The following SLC35F1 variants were observed in gnomAD, a reference collection of about 807,000 sequenced individuals.
SLC35F1 encodes solute carrier family 35 member F1.
A neutral mutation model predicts 48.7 loss-of-function variants in SLC35F1; 14 were observed. The observed-to-expected ratio is 0.29, with a 90% confidence interval of 0.19 to 0.45. The LOEUF is 0.45. Among genes scored for constraint, SLC35F1 ranks in the 20% least tolerant of loss-of-function variants. The pLI is 1.00. For synonymous variants in SLC35F1, 190 were observed against 202.2 expected, an observed-to-expected ratio of 0.94 and a Z score of 0.51; for missense variants, 404 against 500.0, an observed-to-expected ratio of 0.81 and a Z score of 1.83.
chr6:118,258,789 C>T lies in SLC35F1; in HGVS notation c.478-8206C>T, dbSNP rs17079927. On this transcript the variant is annotated intron_variant, in intron 3 of 7. Coordinates refer to ENST00000360388, the MANE Select transcript of SLC35F1 (RefSeq NM_001029858.4). ...TATTGCAGAGCAACAAGAAAGGGAC[C>T]GATTATTCAACAGATGCAGTGAGAA... is the stretch of plus-strand genomic sequence containing the variant. 1.0e-2 allele frequency among the ~76,000 whole-genome samples: 1,514 copies of T among 151,584 alleles called. 26 individuals carry two copies. Among genetic ancestry groups the T allele is most frequent in the African/African-American group, 0.035 (1,438 of 41,396 alleles).
At chr6:118,139,532 A>C (rs1259668686) in intron 1 of SLC35F1, among the ~76,000 whole-genome samples, 1 of 152,228 alleles carries the variant, frequency 6.6e-6, no homozygotes, top group Non-Finnish European at 1.5e-5. Context: ...TGTAAGTGCC[A>C]TTGGAAGGAT....
At chr6:118,262,917 T>C (rs1362124557) in intron 3 of SLC35F1, among the ~76,000 whole-genome samples, 1 of 152,104 alleles carries the variant, frequency 6.6e-6, no homozygotes, top group Non-Finnish European at 1.5e-5. Context: ...TGAGACCCCA[T>C]CTCTATTTAG....
intron 1 of SLC35F1, among the ~76,000 whole-genome samples, chr6:118,090,575 G>A (rs1054557567): frequency 6.6e-6 from 1 of 152,130 alleles, no homozygotes. Context: ...AAGGCTCTGA[G>A]GGGAGCATGG....
chr6:118,059,108 G>C (rs967546723), intron 1 of SLC35F1, among the ~76,000 whole-genome samples: 5 of 152,162 alleles, frequency 3.3e-5, no homozygotes, highest in African/African-American at 1.2e-4. Flanking sequence ...ACACATTTGA[G>C]TTACTTCTTG....
At chr6:118,103,342 A>G (rs1773285787) in intron 1 of SLC35F1, among the ~76,000 whole-genome samples, 1 of 152,234 alleles carries the variant, frequency 6.6e-6, no homozygotes, top group Admixed American at 6.5e-5. Flanking sequence ...ATATGTATAC[A>G]TGTGCCATGT....
At chr6:118,302,171 A>G (rs187421190) in intron 7 of SLC35F1, among the ~76,000 whole-genome samples, 15 of 152,250 alleles carry the variant, frequency 9.9e-5, no homozygotes, top group African/African-American at 3.6e-4. Flanking sequence ...CTTCAGTTTA[A>G]TAGTTTATGG....
rs573380608 is a variant in SLC35F1 at position 118,297,204 on chromosome 6, T to TA, written c.1002+11868dup. Among the ~76,000 whole-genome samples the TA allele has an allele frequency of 1.1e-3, 169 of 152,356 alleles. 2 individuals are homozygous for TA. The highest frequency in any genetic ancestry group is 3.9e-3 in the African/African-American group (163 of 41,592). On this transcript the variant is annotated intron_variant, in intron 7 of 7. Transcript: ENST00000360388. Reference sequence around the variant, plus strand: ...TTTATATTATCAATATTTTAATAGTTAACTTCTGTAAATATAACCCCTATG... The same window carrying TA: ...TTTATATTATCAATATTTTAATAGTTAAACTTCTGTAAATATAACCCCTATG...
At chr6:117,921,911 C>G (rs1775904516) in intron 1 of SLC35F1, among the ~76,000 whole-genome samples, 1 of 152,114 alleles carries the variant, frequency 6.6e-6, no homozygotes, top group South Asian at 2.1e-4. Flanking sequence ...GTAGAATAAA[C>G]TGGTGTACTG....
chr6:118,169,048 C>A (rs1382741942), intron 2 of SLC35F1, among the ~76,000 whole-genome samples: 1 of 152,158 alleles, frequency 6.6e-6, no homozygotes, highest in Non-Finnish European at 1.5e-5. Context: ...CTCCATTCAG[C>A]AAATGTTCTT....
chr6:118,106,164 C>T (rs976513391), intron 1 of SLC35F1, among the ~76,000 whole-genome samples: 1 of 152,262 alleles, frequency 6.6e-6, no homozygotes, highest in Admixed American at 6.5e-5. Flanking sequence ...TCCTCACCTC[C>T]TGGTAGACTA....
chr6:118,231,406 G>A (rs1358855202), intron 2 of SLC35F1, among the ~76,000 whole-genome samples: 2 of 152,118 alleles, frequency 1.3e-5, no homozygotes, highest in Non-Finnish European at 1.5e-5. Context: ...GGTAGTGCTG[G>A]CATGGGGACT....
chr6:118,044,564 C>T (rs747550084), intron 1 of SLC35F1, among the ~76,000 whole-genome samples: 2 of 152,084 alleles, frequency 1.3e-5, no homozygotes, highest in African/African-American at 4.8e-5. Context: ...TCTGTTTTTT[C>T]CTGAGGTCCT....
At chr6:118,144,588 A>T (rs923352358) in intron 1 of SLC35F1, among the ~76,000 whole-genome samples, 6 of 33,522 alleles carry the variant, frequency 1.8e-4, no homozygotes, top group Non-Finnish European at 5.7e-4. Context: ...CCCAGAACTT[A>T]AAAAAAAAAA....
At chr6:118,211,918 A>G (rs1031833555) in intron 2 of SLC35F1, among the ~76,000 whole-genome samples, 2 of 152,244 alleles carry the variant, frequency 1.3e-5, no homozygotes, top group African/African-American at 2.4e-5. Context: ...TAAAAATGCT[A>G]TCATGTGGTA....
At chr6:117,941,307 A>C (rs1776230211) in intron 1 of SLC35F1, among the ~76,000 whole-genome samples, 2 of 152,200 alleles carry the variant, frequency 1.3e-5, no homozygotes, top group African/African-American at 4.8e-5. Flanking sequence ...AACATATTGG[A>C]AAGAGTTTCT....
chr6:118,053,878 G>T (rs1772426136), intron 1 of SLC35F1, among the ~76,000 whole-genome samples: 1 of 152,018 alleles, frequency 6.6e-6, no homozygotes, highest in Non-Finnish European at 1.5e-5. Context: ...TATGATTCTG[G>T]ATACATATTG....
At chr6:118,022,424 T>C (rs1329674172) in intron 1 of SLC35F1, among the ~76,000 whole-genome samples, 1 of 152,088 alleles carries the variant, frequency 6.6e-6, no homozygotes. Flanking sequence ...AGACCAAGTG[T>C]CTGGTTTGGA....
Position 118,008,779 on chromosome 6 carries a change from T to A in SLC35F1, c.173+100880T>A, listed in dbSNP as rs533722228. ...GATGGCAACAGCCTCTGTTTAAAAG[T>A]CTATCCATTGCTTTGGGGAATAACA... On this transcript the variant is annotated intron_variant, in intron 1 of 7. Transcript: ENST00000360388. 3.9e-5 allele frequency among the ~76,000 whole-genome samples: 6 copies of A among 152,322 alleles called. No homozygotes were observed. In the East Asian group the frequency reaches 9.7e-4, roughly 25 times the overall value.
chr6:117,923,704 T>TGTATATACATATATGTACAC (rs1775958274), intron 1 of SLC35F1, among the ~76,000 whole-genome samples: 1 of 106,640 alleles, frequency 9.4e-6, no homozygotes, highest in African/African-American at 3.6e-5. Context: ...CATATACATA[T>TGTATATACATATATGTACAC]ATGTACATAT....
Sources: gnomAD v4.1 joint callset for allele counts (sites outside exome capture counted in the v4.1 genomes callset) on GRCh38, gnomAD v4.1.1 for gene constraint, MANE v1.5 for transcripts, NCBI Gene and HGNC (gene_info 2026-07-23, HGNC 2026-07-21) for gene names.